The following UNC5D variants were observed in gnomAD, a reference collection of about 807,000 sequenced individuals.
The protein encoded by UNC5D is netrin receptor UNC5D.
Under a neutral mutation model 105.4 loss-of-function variants are expected in UNC5D, and 39 were observed. The observed-to-expected ratio is 0.37, with a 90% confidence interval of 0.29 to 0.48. The LOEUF (loss-of-function observed/expected upper bound fraction) is 0.48, where lower values mean the gene tolerates loss of function less well. Ranked by LOEUF, UNC5D falls within the 20% of genes least tolerant of loss-of-function variation. UNC5D has a pLI of 0.98. For missense variants in UNC5D, 991 were observed against 1,202.4 expected, an observed-to-expected ratio of 0.82 and a Z score of 2.60; for synonymous variants, 452 against 450.4, an observed-to-expected ratio of 1.00 and a Z score of -0.04.
chr8:35,425,113 C>A (rs1806157301), intron 1 of UNC5D, among the ~76,000 whole-genome samples: 1 of 152,068 alleles, frequency 6.6e-6, no homozygotes, highest in South Asian at 2.1e-4. Flanking sequence ...TGCAGCACAC[C>A]AACATGGCAC....
chr8:35,728,563 T>C (rs545577471), intron 10 of UNC5D, among the ~76,000 whole-genome samples: 40 of 152,306 alleles, frequency 2.6e-4, no homozygotes, highest in Admixed American at 5.2e-4. Flanking sequence ...ATAAGTTTGA[T>C]GTAAAATAAC....
intron 16 of UNC5D, among the ~76,000 whole-genome samples, chr8:35,776,485 G>T (rs935229169): frequency 6.6e-6 from 1 of 152,158 alleles, no homozygotes; most frequent in African/African-American, 2.4e-5. Context: ...TAGGGAAAAT[G>T]CATTTCAAAC....
intron 1 of UNC5D, among the ~76,000 whole-genome samples, chr8:35,343,110 TACTG>T (rs1015248201): frequency 1.3e-5 from 2 of 152,210 alleles, no homozygotes; most frequent in South Asian, 4.1e-4. Flanking sequence ...TCCTAGGTGA[TACTG>T]ACACTGCTGG....
chr8:35,515,851 G>C (rs375011365), intron 1 of UNC5D, among the ~76,000 whole-genome samples: 2 of 152,094 alleles, frequency 1.3e-5, no homozygotes, highest in African/African-American at 4.8e-5. Flanking sequence ...CTGAAGTGTA[G>C]ACTTTACCAT....
At chr8:35,287,942 G>T (rs781034652) in intron 1 of UNC5D, among the ~76,000 whole-genome samples, 5 of 152,110 alleles carry the variant, frequency 3.3e-5, no homozygotes, top group African/African-American at 4.8e-5. Context: ...ATATAAAAGA[G>T]TGAAGAAGGC....
intron 7 of UNC5D, among the ~76,000 whole-genome samples, chr8:35,694,576 T>G (rs1038532703): frequency 1.3e-5 from 2 of 152,322 alleles, no homozygotes; most frequent in East Asian, 1.9e-4. Context: ...TGCTTATCTA[T>G]AAAACAAAAA....
intron 1 of UNC5D, among the ~76,000 whole-genome samples, chr8:35,535,438 TTTTTTTTTTTAA>T (rs1194806297): frequency 3.7e-5 from 5 of 136,764 alleles, no homozygotes; most frequent in African/African-American, 7.9e-5. Context: ...GTTGTTGCTG[TTTTTTTTTTTAA>T]TTTTTTTTTT....
intron 1 of UNC5D, among the ~76,000 whole-genome samples, chr8:35,502,936 G>A (rs1457670550): frequency 2.0e-5 from 3 of 152,144 alleles, no homozygotes; most frequent in African/African-American, 7.2e-5. Context: ...AATAGGCAAG[G>A]AAACTATGCT....
At chr8:35,700,272 A>G (rs906728993) in intron 7 of UNC5D, among the ~76,000 whole-genome samples, 1 of 152,018 alleles carries the variant, frequency 6.6e-6, no homozygotes, top group African/African-American at 2.4e-5. Flanking sequence ...TCTCTTTTCT[A>G]CCAGTCAGCA....
In UNC5D at chr8:35,417,168, T is replaced by G. The variant is rs1447070994; in HGVS notation, c.104-132124T>G. Among the ~76,000 whole-genome samples, 5 of 152,158 alleles carry G rather than the reference T, an allele frequency of 3.3e-5. No individual in the cohort carries two copies. The East Asian group carries it at 9.6e-4, about 29-fold the overall frequency. ...TGTTGTGCTATCAAATACTAAGTCTTATTTATTCATTTTCACTATCATTTT... is the reference window on the plus strand; with the variant it reads ...TGTTGTGCTATCAAATACTAAGTCTGATTTATTCATTTTCACTATCATTTT... On this transcript the variant is annotated intron_variant, in intron 1 of 16. Transcript: ENST00000404895.
intron 1 of UNC5D, among the ~76,000 whole-genome samples, chr8:35,505,824 G>T (rs781613771): frequency 6.6e-6 from 1 of 152,146 alleles, no homozygotes; most frequent in Non-Finnish European, 1.5e-5. Flanking sequence ...CTCTGGAGCC[G>T]GACTGCCTTT....
At chr8:35,461,252 A>C (rs1210845582) in intron 1 of UNC5D, among the ~76,000 whole-genome samples, 1 of 152,152 alleles carries the variant, frequency 6.6e-6, no homozygotes, top group Non-Finnish European at 1.5e-5. Context: ...TTTGTTGAAA[A>C]GTTCATATCC....
Position 35,303,868 on chromosome 8 carries a change from G to C in UNC5D, c.103+67981G>C, listed in dbSNP as rs186523206. Reference sequence around the variant, plus strand: ...TGATCAGCTAAAGCCATTTTACTCAGGAGGCTTGTGCAGTTTACTCAGGTT... The same window carrying C: ...TGATCAGCTAAAGCCATTTTACTCACGAGGCTTGTGCAGTTTACTCAGGTT... On this transcript the variant is annotated intron_variant, in intron 1 of 16. Transcript: ENST00000404895. Among the ~76,000 whole-genome samples, 524 of 152,236 alleles carry C rather than the reference G, an allele frequency of 3.4e-3. 4 individuals are homozygous for C. Among genetic ancestry groups the C allele is most frequent in the African/African-American group, 0.012 (502 of 41,542 alleles).
intron 1 of UNC5D, among the ~76,000 whole-genome samples, chr8:35,264,658 A>T (rs1804718933): frequency 6.7e-6 from 1 of 148,824 alleles, no homozygotes. Flanking sequence ...TGAACCCCGG[A>T]GGCGGAGGTT....
rs1364131148 is a variant in UNC5D at position 35,677,518 on chromosome 8, A to G, written c.571-6029A>G. Among the ~76,000 whole-genome samples, 4 of 152,086 alleles carry G rather than the reference A, an allele frequency of 2.6e-5. No homozygotes were observed. The East Asian group carries it at 7.7e-4, about 29-fold the overall frequency. ...AAACTGTTCTACATTAGGGGCACTT[A>G]GCTCATCAAAAATGTTTTAAAGTTT... is the stretch of plus-strand genomic sequence containing the variant. On this transcript the variant is annotated intron_variant, in intron 4 of 16. Coordinates refer to ENST00000404895, the MANE Select transcript of UNC5D (RefSeq NM_080872.4).
At chr8:35,752,534 C>T (rs779821575) in intron 13 of UNC5D, among the ~76,000 whole-genome samples, 1 of 152,084 alleles carries the variant, frequency 6.6e-6, no homozygotes, top group Non-Finnish European at 1.5e-5. Flanking sequence ...TCTTTGGCTG[C>T]TCACAAAAGG....
intron 6 of UNC5D, among the ~76,000 whole-genome samples, 188 bp downstream of exon 6, chr8:35,684,937 A>G (rs536366875): frequency 1.3e-5 from 2 of 152,270 alleles, no homozygotes; most frequent in South Asian, 2.1e-4. Flanking sequence ...CCACGGTGCA[A>G]TGTTTTGGGG....
At chr8:35,264,302 TAC>T (rs1245440632) in intron 1 of UNC5D, among the ~76,000 whole-genome samples, 1 of 152,192 alleles carries the variant, frequency 6.6e-6, no homozygotes, top group African/African-American at 2.4e-5. Flanking sequence ...GGATTTGCAA[TAC>T]AGTCTATTGG....
chr8:35,605,805 T>G (rs1051601285), intron 4 of UNC5D, among the ~76,000 whole-genome samples: 1 of 152,198 alleles, frequency 6.6e-6, no homozygotes, highest in African/African-American at 2.4e-5. Flanking sequence ...AGCACCTCAA[T>G]ACAATATTTA....
Sources: allele counts gnomAD v4.1 joint callset (sites outside exome capture counted in the v4.1 genomes callset), GRCh38; gene constraint gnomAD v4.1.1; transcripts MANE v1.5; gene names NCBI Gene and HGNC (gene_info 2026-07-23, HGNC 2026-07-21).